The following PHF24 variants were observed in gnomAD, a reference collection of about 807,000 sequenced individuals.
The protein encoded by PHF24 is Galpha inhibitory interacting protein.
A neutral mutation model predicts 42.6 loss-of-function variants in PHF24; 25 were observed. That is an observed-to-expected ratio of 0.59 (90% CI 0.43 to 0.82). The LOEUF is 0.82. PHF24 is among the 40% of genes least tolerant of loss of function. The probability of loss-of-function intolerance (pLI) is 0.00; values close to 1 mark genes in which losing one functional copy is unlikely to be tolerated. For missense variants in PHF24, 470 were observed against 538.1 expected, an observed-to-expected ratio of 0.87 and a Z score of 1.25; for synonymous variants, 185 against 204.8, an observed-to-expected ratio of 0.90 and a Z score of 0.83.
chr9:34,778,381 TG>T, the PHF24 span, among the ~76,000 whole-genome samples: 5 of 152,144 alleles, frequency 3.3e-5, no homozygotes, highest in Admixed American at 2.0e-4. Flanking sequence ...CTAAGGGAGA[TG>T]TATTATAGAC....
the PHF24 span, among the ~76,000 whole-genome samples, chr9:34,667,572 G>A: frequency 6.6e-6 from 1 of 152,224 alleles, no homozygotes; most frequent in Non-Finnish European, 1.5e-5. Flanking sequence ...CCAGGCCAGG[G>A]CTGTCTCTGG....
At chr9:34,673,798 T>A in the PHF24 span, among the ~76,000 whole-genome samples, 3 of 152,148 alleles carry the variant, frequency 2.0e-5, no homozygotes, top group African/African-American at 7.2e-5. Context: ...ATTTTTTGTA[T>A]TTTTAGTAGA....
the PHF24 span, among the ~76,000 whole-genome samples, chr9:34,708,386 T>G: frequency 6.6e-6 from 1 of 151,858 alleles, no homozygotes; most frequent in East Asian, 1.9e-4. Flanking sequence ...GGGGCCCAGA[T>G]AGGAATAGAA....
the PHF24 span, chr9:34,726,763 G>A: frequency 6.4e-7 from 1 of 1,551,722 alleles, no homozygotes; most frequent in Non-Finnish European, 8.7e-7. Flanking sequence ...GCTCTCTGGT[G>A]TGCCAGGAAT....
the PHF24 span, among the ~76,000 whole-genome samples, chr9:34,937,647 T>TAAAAAAAAA: frequency 2.4e-4 from 34 of 142,824 alleles, no homozygotes; most frequent in East Asian, 1.0e-3. Context: ...ATGATCAATT[T>TAAAAAAAAA]AAAAAAAAAA....
the PHF24 span, among the ~76,000 whole-genome samples, chr9:34,887,039 A>G: frequency 6.6e-6 from 1 of 152,054 alleles, no homozygotes; most frequent in Non-Finnish European, 1.5e-5. Context: ...ACCTACTCCA[A>G]TGTCAGTATT....
the PHF24 span, chr9:34,666,105 A>G: frequency 4.7e-6 from 1 of 211,608 alleles, no homozygotes; most frequent in Non-Finnish European, 9.8e-6. Context: ...TGTCCCCCGG[A>G]AGGGGTGGGG....
chr9:34,725,806 T>C, the PHF24 span: 7 of 1,548,862 alleles, frequency 4.5e-6, no homozygotes, highest in South Asian at 2.4e-5. Flanking sequence ...TAGGGAGCAG[T>C]TGGGGGAAGG....
the PHF24 span, among the ~76,000 whole-genome samples, chr9:34,753,507 A>G: frequency 2.0e-5 from 3 of 152,166 alleles, no homozygotes; most frequent in African/African-American, 7.2e-5. Flanking sequence ...CAAAAAATAA[A>G]AATATATTCC....
At chr9:34,965,276 A>G (rs770213657) in intron 1 of PHF24, among the ~76,000 whole-genome samples, 3 of 152,232 alleles carry the variant, frequency 2.0e-5, no homozygotes, top group Non-Finnish European at 2.9e-5. Flanking sequence ...AAGTATTAAG[A>G]GTTTTAGACT....
exon 5 of PHF24, chr9:34,976,717 C>A (rs949211550): frequency 1.9e-6 from 3 of 1,613,682 alleles, no homozygotes; most frequent in Non-Finnish European, 2.5e-6. Flanking sequence ...GTCCCTCCTG[C>A]TTCTGCAGCA....
the PHF24 span, among the ~76,000 whole-genome samples, chr9:34,823,172 CG>C: frequency 1.7e-4 from 23 of 131,660 alleles, no homozygotes; most frequent in Admixed American, 2.0e-3. Context: ...GTCCGCAGTC[CG>C]GCCTGGGCGA....
intron 1 of PHF24, among the ~76,000 whole-genome samples, chr9:34,959,313 C>G (rs149272493): frequency 3.9e-5 from 6 of 152,110 alleles, no homozygotes; most frequent in African/African-American, 1.2e-4. Context: ...AGCACCAGTA[C>G]GCTAGGCAGT....
the PHF24 span, chr9:34,837,633 G>A: frequency 6.6e-7 from 1 of 1,507,952 alleles, no homozygotes; most frequent in South Asian, 1.2e-5. Flanking sequence ...AAGGGAGTCA[G>A]AGGAGAGATT....
At chr9:34,835,349 A>G in the PHF24 span, 5 of 1,550,900 alleles carry the variant, frequency 3.2e-6, no homozygotes, top group African/African-American at 5.5e-5. Flanking sequence ...AAGCTGCCTC[A>G]GGGACTCCTC....
At chr9:34,731,628 C>G in the PHF24 span, among the ~76,000 whole-genome samples, 1 of 151,992 alleles carries the variant, frequency 6.6e-6, no homozygotes, top group Non-Finnish European at 1.5e-5. Context: ...AATGACGGGA[C>G]CTCATTCTTT....
At chr9:34,764,182 G>A in the PHF24 span, among the ~76,000 whole-genome samples, 2 of 152,186 alleles carry the variant, frequency 1.3e-5, no homozygotes, top group African/African-American at 4.8e-5. Flanking sequence ...GTCTCTGCCC[G>A]GCTTTGGTAT....
chr9:34,949,360 G>A, the PHF24 span, among the ~76,000 whole-genome samples: 3 of 152,216 alleles, frequency 2.0e-5, no homozygotes, highest in East Asian at 1.9e-4. Context: ...AGATGCTGGC[G>A]AGGATGTGGA....
At chr9:34,729,735 T>C in the PHF24 span, among the ~76,000 whole-genome samples, 1 of 152,224 alleles carries the variant, frequency 6.6e-6, no homozygotes, top group Non-Finnish European at 1.5e-5. Flanking sequence ...GGCTCTCTCC[T>C]TCACAACTGT....
Sources: gnomAD v4.1 joint callset for allele counts (sites outside exome capture counted in the v4.1 genomes callset) on GRCh38, gnomAD v4.1.1 for gene constraint, MANE v1.5 for transcripts, NCBI Gene and HGNC (gene_info 2026-07-23, HGNC 2026-07-21) for gene names.